The following DNAH5 variants were observed in gnomAD, a reference collection of about 807,000 sequenced individuals.
DNAH5 encodes axonemal beta dynein heavy chain 5.
Under a neutral mutation model 518.2 loss-of-function variants are expected in DNAH5, and 372 were observed. The observed-to-expected ratio is 0.72, with a 90% CI of 0.66 to 0.78. The LOEUF (loss-of-function observed/expected upper bound fraction) is 0.78. Ranked by LOEUF, DNAH5 falls within the 30% of genes least tolerant of loss-of-function variation. DNAH5 has a pLI of 0.00. For missense variants in DNAH5, 5,523 were observed against 5,687.0 expected, an observed-to-expected ratio of 0.97 and a Z score of 0.93; for synonymous variants, 2,039 against 2,025.9, an observed-to-expected ratio of 1.01 and a Z score of -0.17.
At chr5:13,846,788 T>C (rs1438637214) in intron 31 of DNAH5, among the ~76,000 whole-genome samples, 1 of 152,204 alleles carries the variant, frequency 6.6e-6, no homozygotes, top group Non-Finnish European at 1.5e-5. Context: ...TTTGTTCACT[T>C]TGGACATGAG....
chr5:13,957,225 C>G (rs903528207), intron 1 of DNAH5, among the ~76,000 whole-genome samples: 1 of 152,194 alleles, frequency 6.6e-6, no homozygotes, highest in Non-Finnish European at 1.5e-5. Context: ...GAAGGAGAGA[C>G]TCTGGAAACA....
At chr5:13,951,659 G>C (rs1331568958) in intron 1 of DNAH5, among the ~76,000 whole-genome samples, 1 of 152,090 alleles carries the variant, frequency 6.6e-6, no homozygotes, top group Non-Finnish European at 1.5e-5. Flanking sequence ...TTAACAACGG[G>C]GAGAAACTCA....
At chr5:13,818,688 C>T (rs193269300) in intron 41 of DNAH5, among the ~76,000 whole-genome samples, 2 of 152,316 alleles carry the variant, frequency 1.3e-5, no homozygotes, top group East Asian at 3.9e-4. Context: ...TTCCTTATAG[C>T]AATTCCCTGT....
In DNAH5 at chr5:13,743,386, T is replaced by C. The variant is rs906864016; in HGVS notation, c.11212-5891A>G. Reference sequence around the variant, plus strand: ...ACTATAAAACTACTAGAAGAAAACATAAAGGAAATGCTTCAGGACACTGGT... The same window carrying C: ...ACTATAAAACTACTAGAAGAAAACACAAAGGAAATGCTTCAGGACACTGGT... On this transcript the variant is annotated intron_variant, in intron 65 of 78. Transcript: ENST00000265104. 2.0e-5 allele frequency among the ~76,000 whole-genome samples: 3 copies of C among 151,868 alleles called. No homozygotes were observed. In the South Asian group the frequency reaches 6.2e-4, roughly 32 times the overall value.
chr5:13,779,322 T>G (rs1176709266), intron 53 of DNAH5, among the ~76,000 whole-genome samples: 1 of 152,232 alleles, frequency 6.6e-6, no homozygotes, highest in East Asian at 1.9e-4. Flanking sequence ...ATCTTTGGAT[T>G]TATTCTCCAA....
chr5:13,861,728 G>T (rs1039868274), intron 29 of DNAH5, among the ~76,000 whole-genome samples: 4 of 151,976 alleles, frequency 2.6e-5, no homozygotes, highest in African/African-American at 4.8e-5. Context: ...AGGCCAAGGC[G>T]GGCAGATCAC....
intron 42 of DNAH5, 53 bp from the exon 43 acceptor site, chr5:13,814,899 T>G (rs1761250611): frequency 4.5e-6 from 7 of 1,565,868 alleles, no homozygotes; most frequent in African/African-American, 1.4e-5. Context: ...ATGCAGTGCA[T>G]GTACACATAA....
intron 1 of DNAH5, among the ~76,000 whole-genome samples, chr5:13,988,725 A>ATTTTTTTTT (rs1561050509): frequency 1.1e-5 from 1 of 90,338 alleles, no homozygotes; most frequent in Non-Finnish European, 2.3e-5. Context: ...CCCAGCCCAA[A>ATTTTTTTTT]TCTTTTTTTT....
At chr5:13,695,435 GAGCTGTCCTCATTTTGAGTTT>G (rs1741240396) in intron 78 of DNAH5, among the ~76,000 whole-genome samples, 1 of 152,124 alleles carries the variant, frequency 6.6e-6, no homozygotes. Context: ...ATATTCAAGG[GAGCTGTCCTCATTTTGAGTTT>G]AGCTGTCCTC....
chr5:14,011,651 T>C (rs1056774864), exon 1 of DNAH5, among the ~76,000 whole-genome samples: 1 of 152,034 alleles, frequency 6.6e-6, no homozygotes, highest in African/African-American at 2.4e-5. Context: ...ACAGTACCAG[T>C]TTGTCCATGG....
intron 2 of DNAH5, among the ~76,000 whole-genome samples, chr5:13,930,247 G>C (rs1194568577): frequency 6.6e-6 from 1 of 152,100 alleles, no homozygotes; most frequent in Non-Finnish European, 1.5e-5. Context: ...GATATCCAAT[G>C]GATCATAACT....
intron 7 of DNAH5, among the ~76,000 whole-genome samples, chr5:13,917,838 G>A (rs1461448631): frequency 1.3e-5 from 2 of 152,186 alleles, no homozygotes; most frequent in Admixed American, 1.3e-4. Flanking sequence ...GCTCACCTCT[G>A]CTATTTCTTT....
At position 13,751,157 on chromosome 5, in the gene DNAH5, G is replaced by A. The variant is rs147080668; in HGVS notation, c.11132C>T (p.Thr3711Ile). ...GGTGACAGTGAAGTCAATGATGGAG[G>A]TACGGGCACTTATCTCAGGGGTGTA... ...PAYTPEISAR[T>I]SIIDFTVTMK... The change falls in exon 65 of 79, where the codon ACC becomes ATC. Residue 3711 changes from threonine (T) to isoleucine (I), a missense_variant. Around this residue, in one of 3 missense-constraint regions of DNAH5, gnomAD observed 5,121 missense variants for 5,223.3 expected, o/e 0.98. Coordinates refer to ENST00000265104, the MANE Select transcript of DNAH5 (RefSeq NM_001369.3). 1.1e-5 allele frequency: 17 copies of A among 1,613,882 alleles called. No homozygotes were observed. Among genetic ancestry groups the A allele is most frequent in the Non-Finnish European group, 1.4e-5 (17 of 1,179,950 alleles).
chr5:13,869,478 T>C (rs1015710992), intron 24 of DNAH5, among the ~76,000 whole-genome samples: 2 of 152,140 alleles, frequency 1.3e-5, no homozygotes, highest in African/African-American at 4.8e-5. Context: ...ACGTCTCCAC[T>C]CTTGGGTCTT....
rs557978356 is a variant in DNAH5 at position 13,878,375 on chromosome 5, A to G, written c.3263-1558T>C. ...CCCCCTCAGAACAATGCAGAAAAGGATCAAGAATGTGCAGCTTCCATTTTC... is the reference window on the plus strand; with the variant it reads ...CCCCCTCAGAACAATGCAGAAAAGGGTCAAGAATGTGCAGCTTCCATTTTC... On this transcript the variant is annotated intron_variant, in intron 21 of 78. Transcript: ENST00000265104. Among the ~76,000 whole-genome samples, 5 of 152,308 alleles carry G rather than the reference A, an allele frequency of 3.3e-5. No homozygotes were observed. The South Asian group carries it at 6.2e-4, about 19-fold the overall frequency.
At chr5:13,874,675 G>A (rs1391248016) in intron 22 of DNAH5, among the ~76,000 whole-genome samples, 1 of 152,086 alleles carries the variant, frequency 6.6e-6, no homozygotes, top group Non-Finnish European at 1.5e-5. Context: ...CTGCCACCAT[G>A]CCTAGCTAAT....
chr5:13,807,317 G>A lies in DNAH5; in HGVS notation c.7887+274C>T, dbSNP rs2034236. On this transcript the variant is annotated intron_variant, in intron 47 of 78. Coordinates refer to ENST00000265104, the MANE Select transcript of DNAH5 (RefSeq NM_001369.3). ...ATTTTCTTTCAGTTTTGGATTTTGC[G>A]TGTTCACAGTATTTTCTACATAGAT... Among the ~76,000 whole-genome samples the A allele has an allele frequency of 2.8e-3, 433 of 152,256 alleles. 7 individuals are homozygous for A. In the East Asian group the frequency reaches 0.053, roughly 19 times the overall value.
intron 56 of DNAH5, 68 bp from the exon 57 acceptor site, chr5:13,769,683 G>T: frequency 7.9e-7 from 1 of 1,263,914 alleles, no homozygotes; most frequent in Non-Finnish European, 1.2e-6. Context: ...TCAAGTACTG[G>T]TCCAATAATG....
chr5:13,820,323 C>A, intron 41 of DNAH5, 23 bp downstream of exon 41: 1 of 1,604,918 alleles, frequency 6.2e-7, no homozygotes, highest in Non-Finnish European at 8.5e-7. Flanking sequence ...CCACCCCAGG[C>A]ATTGACCTTG....
Sources: allele counts gnomAD v4.1 joint callset (sites outside exome capture counted in the v4.1 genomes callset), GRCh38; gene constraint gnomAD v4.1.1; regional missense constraint gnomAD v4.1.1; transcripts MANE v1.5; gene names NCBI Gene and HGNC (gene_info 2026-07-23, HGNC 2026-07-21).